Variants in C10orf88 observed in about 807,000 individuals in gnomAD.
The protein encoded by C10orf88 is ATPase PAAT.
In C10orf88, 29 loss-of-function variants were observed where a neutral mutation model predicts 34.2. That is an observed-to-expected ratio of 0.85 (90% CI 0.63 to 1.16). The LOEUF (loss-of-function observed/expected upper bound fraction) is 1.16. Among genes scored for constraint, C10orf88 ranks in the 50% most tolerant of loss-of-function variants. The pLI, the probability that C10orf88 is intolerant of heterozygous loss-of-function variation, is 0.00. For missense variants in C10orf88, 507 were observed against 533.2 expected, an observed-to-expected ratio of 0.95 and a Z score of 0.48; for synonymous variants, 194 against 197.4, an observed-to-expected ratio of 0.98 and a Z score of 0.15.
At chr10:122,947,324 C>A (rs528972917) in intron 4 of C10orf88, among the ~76,000 whole-genome samples, 2 of 152,162 alleles carry the variant, frequency 1.3e-5, no homozygotes, top group African/African-American at 2.4e-5. Context: ...GAGTTCTTTA[C>A]TTGCATTACT....
At chr10:122,935,964 G>A (rs1848531005) in intron 5 of C10orf88, among the ~76,000 whole-genome samples, 1 of 151,536 alleles carries the variant, frequency 6.6e-6, no homozygotes, top group Admixed American at 6.6e-5. Context: ...TTGGTGTCAG[G>A]CTAATACTGA....
At chr10:122,934,379 C>T (rs1848514375) in intron 5 of C10orf88, among the ~76,000 whole-genome samples, 1 of 152,118 alleles carries the variant, frequency 6.6e-6, no homozygotes, top group African/African-American at 2.4e-5. Context: ...TGGTAACCAT[C>T]AATATGTTGT....
chr10:122,949,353 C>A (rs964113793), intron 3 of C10orf88, among the ~76,000 whole-genome samples: 1 of 152,174 alleles, frequency 6.6e-6, no homozygotes, highest in Non-Finnish European at 1.5e-5. Context: ...TCTCCTCTCT[C>A]TAAATCTTAC....
Position 122,938,278 on chromosome 10 carries a change from A to C in C10orf88, c.649-119T>G, listed in dbSNP as rs74159925. On this transcript the variant is annotated intron_variant, in intron 4 of 5. Transcript: ENST00000481909. ...ATCCAATCCTCAAAACATCCTTATA[A>C]AGTAGGCCACTAATACTATCCCAAT... The C allele has an allele frequency of 2.8e-3, 2,458 of 870,528 alleles. 39 individuals are homozygous for C. In the African/African-American group the frequency reaches 0.036, roughly 13 times the overall value. 53.9% of individuals were successfully genotyped at this position (870,528 alleles called of 1,614,324 possible).
At chr10:122,950,272 A>C (rs1481722038) in intron 3 of C10orf88, among the ~76,000 whole-genome samples, 1 of 152,252 alleles carries the variant, frequency 6.6e-6, no homozygotes, top group Non-Finnish European at 1.5e-5. Flanking sequence ...AGTAGCTACC[A>C]GTAAGTAAGT....
intron 5 of C10orf88, among the ~76,000 whole-genome samples, chr10:122,934,817 A>T (rs546084019): frequency 6.6e-6 from 1 of 152,140 alleles, no homozygotes. Flanking sequence ...CTTTGTCAGC[A>T]TTTGGTATTG....
intron 1 of C10orf88, among the ~76,000 whole-genome samples, chr10:122,953,372 C>T (rs918172167): frequency 6.6e-6 from 1 of 152,148 alleles, no homozygotes; most frequent in African/African-American, 2.4e-5. Flanking sequence ...CCACCGTGCC[C>T]GGCCGGGGCT....
At chr10:122,953,882 T>A in intron 1 of C10orf88, 133 bp downstream of exon 1, 1 of 233,186 alleles carries the variant, frequency 4.3e-6, no homozygotes, top group Non-Finnish European at 4.8e-6. Flanking sequence ...GCAGCTCCCC[T>A]CCCCAACTAG....
At chr10:122,941,003 A>G (rs572885359) in intron 4 of C10orf88, among the ~76,000 whole-genome samples, 1 of 152,200 alleles carries the variant, frequency 6.6e-6, no homozygotes, top group South Asian at 2.1e-4. Context: ...ATCTTTAAAT[A>G]TATTGTAGGA....
At chr10:122,944,915 A>G (rs1848623816) in intron 4 of C10orf88, among the ~76,000 whole-genome samples, 2 of 151,774 alleles carry the variant, frequency 1.3e-5, no homozygotes, top group African/African-American at 4.8e-5. Flanking sequence ...TTTGGTTTAC[A>G]TCTCATCACT....
At chr10:122,946,564 G>T (rs1451341176) in intron 4 of C10orf88, among the ~76,000 whole-genome samples, 1 of 152,080 alleles carries the variant, frequency 6.6e-6, no homozygotes. Context: ...ATGCATGACT[G>T]TGTATAATAC....
intron 5 of C10orf88, 121 bp downstream of exon 5, chr10:122,937,584 G>T: frequency 1.3e-6 from 1 of 797,832 alleles, no homozygotes. Context: ...AAATGTAAAA[G>T]TTGCTAAAAT....
rs748841535 is a variant in C10orf88, at chr10:122,937,875, T to G, written c.933A>C (p.Ala311=). The change falls in exon 5 of 6, where the codon GCA becomes GCC. Residue 311 remains alanine (A), a synonymous_variant. Transcript: ENST00000481909. Reference sequence around the variant, plus strand: ...CTTTCTTTGGTAAGAAAGAGGCCATTGCATTTTTAAGATCATTTTCAAGAA... The same window carrying G: ...CTTTCTTTGGTAAGAAAGAGGCCATGGCATTTTTAAGATCATTTTCAAGAA... ...HSFLENDLKN[A]MASFLPKKVS... is the part of the protein sequence containing the mutation. 3.7e-6 allele frequency: 6 copies of G among 1,613,386 alleles called. No homozygotes were observed. The highest frequency in any genetic ancestry group is 8.5e-7 in the Non-Finnish European group (1 of 1,179,478).
chr10:122,942,887 A>G (rs1217581548), intron 4 of C10orf88, among the ~76,000 whole-genome samples: 1 of 144,324 alleles, frequency 6.9e-6, no homozygotes, highest in Non-Finnish European at 1.5e-5. Context: ...ATACAAACAA[A>G]TGGAAGAACA....
At chr10:122,944,307 T>G (rs1277353913) in intron 4 of C10orf88, among the ~76,000 whole-genome samples, 1 of 141,688 alleles carries the variant, frequency 7.1e-6, no homozygotes, top group African/African-American at 2.6e-5. Flanking sequence ...TTCTCACTCA[T>G]AGGTGGGAAT....
chr10:122,942,478 C>G (rs1848594163), intron 4 of C10orf88, among the ~76,000 whole-genome samples: 1 of 152,116 alleles, frequency 6.6e-6, no homozygotes, highest in African/African-American at 2.4e-5. Flanking sequence ...TAGGGATGCC[C>G]TCTCTCACCA....
Position 122,954,138 on chromosome 10 carries a change from G to A in C10orf88, c.41C>T (p.Pro14Leu). 1 of 1,585,404 alleles carries A rather than the reference G, an allele frequency of 6.3e-7. No homozygotes were observed. The highest frequency in any genetic ancestry group is 8.5e-7 in the Non-Finnish European group (1 of 1,169,856). Residue 14 changes from proline (P) to leucine (L), a missense_variant, in exon 1 of 6, where the codon CCC (proline) becomes CTC (leucine). Coordinates refer to ENST00000481909, the MANE Select transcript of C10orf88 (RefSeq NM_024942.4). ...RTEDGGLTRRPTLASSWDVAG... is the reference protein window; with the variant it reads ...RTEDGGLTRRLTLASSWDVAG... Reference sequence around the variant, plus strand: ...AACATCCCAAGAAGAGGCCAGCGTGGGGCGGCGGGTGAGGCCCCCGTCCTC... The same window carrying A: ...AACATCCCAAGAAGAGGCCAGCGTGAGGCGGCGGGTGAGGCCCCCGTCCTC...
chr10:122,931,607 T>C lies in C10orf88; in HGVS notation c.*820A>G, dbSNP rs1848485292. On this transcript the variant is annotated 3_prime_UTR_variant, in exon 6 of 6. Transcript: ENST00000481909. Reference sequence around the variant, plus strand: ...TGAAAACTAAGTCTATCAGAGAGAATTGCAATCCCTTGACTCATATGTGTT... The same window carrying C: ...TGAAAACTAAGTCTATCAGAGAGAACTGCAATCCCTTGACTCATATGTGTT... The C allele has an allele frequency of 6.6e-6, 1 of 152,150 alleles. No individual in the cohort carries two copies. The highest frequency in any genetic ancestry group is 2.4e-5 in the African/African-American group (1 of 41,434). 9.4% of individuals were successfully genotyped at this position (152,150 alleles called of 1,614,324 possible). A position where few individuals can be genotyped will look rare whatever the true frequency, so the allele number is the denominator to read the frequency against.
At chr10:122,951,754 C>T (rs558442149) in intron 3 of C10orf88, among the ~76,000 whole-genome samples, 200 bp downstream of exon 3, 2 of 151,990 alleles carry the variant, frequency 1.3e-5, no homozygotes, top group South Asian at 4.2e-4. Context: ...TTAGCTTGAG[C>T]TGGGAGATGA....
Sources: allele counts gnomAD v4.1 joint callset (sites outside exome capture counted in the v4.1 genomes callset), GRCh38; gene constraint gnomAD v4.1.1; transcripts MANE v1.5; gene names NCBI Gene and HGNC (gene_info 2026-07-23, HGNC 2026-07-21).